RAB1A: variants seen among roughly 807,000 people sequenced by gnomAD.
RAB1A encodes ras-related protein Rab-1A.
Under a neutral mutation model 26.0 loss-of-function variants are expected in RAB1A, and 2 were observed. That is an observed-to-expected ratio of 0.08 (90% CI 0.03 to 0.24). RAB1A has a LOEUF of 0.24. RAB1A is among the 10% of genes least tolerant of loss of function. The pLI, the probability that RAB1A is intolerant of heterozygous loss-of-function variation, is 1.00. For missense variants in RAB1A, 100 were observed against 247.0 expected, an observed-to-expected ratio of 0.40 and a Z score of 3.99; for synonymous variants, 84 against 84.9, an observed-to-expected ratio of 0.99 and a Z score of 0.06.
At chr2:65,105,053 TAAAAA>T in intron 1 of RAB1A, 1 of 579,880 alleles carries the variant, frequency 1.7e-6, no homozygotes, top group Non-Finnish European at 3.1e-6. Flanking sequence ...AACTTCCACT[TAAAAA>T]GAAAGAAGGA....
chr2:65,103,437 G>A (rs1383419293), intron 2 of RAB1A, among the ~76,000 whole-genome samples: 4 of 151,890 alleles, frequency 2.6e-5, no homozygotes, highest in African/African-American at 9.7e-5. Context: ...AATAAAAATG[G>A]CACGGCTTGT....
chr2:65,092,146 G>A (rs79573096), intron 3 of RAB1A, among the ~76,000 whole-genome samples: 5,997 of 152,104 alleles, frequency 0.039, 381 homozygotes, highest in African/African-American at 0.14. Context: ...GCTGGCGTGC[G>A]CCTGTGGTCC....
intron 1 of RAB1A, chr2:65,105,036 A>C: frequency 1.6e-6 from 1 of 613,842 alleles, no homozygotes; most frequent in Non-Finnish European, 3.0e-6. Context: ...GATCTCTAAC[A>C]TCAGTGAACT....
intron 3 of RAB1A, among the ~76,000 whole-genome samples, chr2:65,094,769 ATG>A (rs1257107751): frequency 6.6e-6 from 1 of 152,116 alleles, no homozygotes; most frequent in Non-Finnish European, 1.5e-5. Context: ...GATTTACCTC[ATG>A]TGTTATATCT....
chr2:65,093,866 C>T (rs1024098713), intron 3 of RAB1A, among the ~76,000 whole-genome samples: 1 of 152,116 alleles, frequency 6.6e-6, no homozygotes, highest in South Asian at 2.1e-4. Flanking sequence ...TTGTGATCTG[C>T]GTGCCTCTGC....
intron 1 of RAB1A, among the ~76,000 whole-genome samples, chr2:65,115,538 C>G (rs956557782): frequency 2.0e-5 from 3 of 152,120 alleles, no homozygotes; most frequent in African/African-American, 7.2e-5. Context: ...TGCTTCTGTA[C>G]TGTGAATTTT....
intron 2 of RAB1A, among the ~76,000 whole-genome samples, chr2:65,104,157 T>A (rs1392686093): frequency 2.0e-5 from 3 of 152,200 alleles, no homozygotes; most frequent in Non-Finnish European, 4.4e-5. Context: ...AAGTCCTTTA[T>A]CTGTCAGCTT....
At chr2:65,088,894 T>C (rs1461475645) in intron 5 of RAB1A, 45 bp downstream of exon 5, 1 of 1,555,654 alleles carries the variant, frequency 6.4e-7, no homozygotes, top group East Asian at 2.3e-5. Flanking sequence ...CCATACATAA[T>C]TCAACACCTT....
At chr2:65,116,286 C>T (rs1321806437) in intron 1 of RAB1A, among the ~76,000 whole-genome samples, 1 of 152,152 alleles carries the variant, frequency 6.6e-6, no homozygotes, top group African/African-American at 2.4e-5. Flanking sequence ...CTTTAATATG[C>T]ATACAAGTAT....
intron 3 of RAB1A, among the ~76,000 whole-genome samples, chr2:65,092,699 G>C (rs1573063968): frequency 6.6e-6 from 1 of 152,188 alleles, no homozygotes; most frequent in East Asian, 1.9e-4. Flanking sequence ...GGCAGATCTT[G>C]AACTCCTGGG....
At chr2:65,115,646 A>C (rs1301871753) in intron 1 of RAB1A, among the ~76,000 whole-genome samples, 1 of 152,180 alleles carries the variant, frequency 6.6e-6, no homozygotes. Context: ...GATCAATGTG[A>C]CCAATTACCA....
intron 1 of RAB1A, among the ~76,000 whole-genome samples, chr2:65,114,750 CAGG>C (rs1669784482): frequency 6.6e-6 from 1 of 151,672 alleles, no homozygotes; most frequent in African/African-American, 2.4e-5. Context: ...GAGGCTGAGG[CAGG>C]AGAATGGCGT....
At chr2:65,105,023 T>A in intron 1 of RAB1A, 2 of 643,170 alleles carry the variant, frequency 3.1e-6, no homozygotes, top group Admixed American at 2.4e-5. Flanking sequence ...CAATGCCACC[T>A]ATGATCTCTA....
At chr2:65,128,582 A>AG (rs1294213048) in intron 1 of RAB1A, among the ~76,000 whole-genome samples, 1 of 152,230 alleles carries the variant, frequency 6.6e-6, no homozygotes, top group Admixed American at 6.5e-5. Context: ...AAAAGATTTC[A>AG]GCTTCAAGCC....
At chr2:65,090,513 C>T (rs1184499896) in intron 4 of RAB1A, among the ~76,000 whole-genome samples, 1 of 152,158 alleles carries the variant, frequency 6.6e-6, no homozygotes. Flanking sequence ...TACTAAGATC[C>T]TCCTACAGCT....
intron 1 of RAB1A, among the ~76,000 whole-genome samples, chr2:65,125,566 C>T (rs368895709): frequency 4.2e-4 from 63 of 151,498 alleles, no homozygotes; most frequent in African/African-American, 1.4e-3. Context: ...GAATTACAGG[C>T]GTGCACCACC....
chr2:65,090,872 C>T, intron 4 of RAB1A, 111 bp downstream of exon 4: 2 of 576,768 alleles, frequency 3.5e-6, no homozygotes, highest in South Asian at 9.8e-5. Context: ...AAGTTTTCTG[C>T]CATAAAATTA....
Position 65,104,722 on chromosome 2 carries a change from A to G in RAB1A, c.96+12T>C, listed in dbSNP as rs1445498938. The G allele has an allele frequency of 1.9e-6, 3 of 1,542,228 alleles. No individual in the cohort carries two copies. The highest frequency in any genetic ancestry group is 3.8e-5 in the Admixed American group (2 of 53,128). Reference sequence around the variant, plus strand: ...TACCATTAATTGTAAAGACATTTCAATTTCAACTTACTGCAAACCTAAGAA... The same window carrying G: ...TACCATTAATTGTAAAGACATTTCAGTTTCAACTTACTGCAAACCTAAGAA... On this transcript the variant is annotated intron_variant, in intron 2 of 5. Transcript: ENST00000409784.
chr2:65,100,118 T>A (rs1573070519), intron 2 of RAB1A, among the ~76,000 whole-genome samples: 1 of 152,152 alleles, frequency 6.6e-6, no homozygotes, highest in Non-Finnish European at 1.5e-5. Context: ...TTTAGAAATA[T>A]GGGCCGGGCA....
Sources: gnomAD v4.1 joint callset for allele counts (sites outside exome capture counted in the v4.1 genomes callset) on GRCh38, gnomAD v4.1.1 for gene constraint, MANE v1.5 for transcripts, NCBI Gene and HGNC (gene_info 2026-07-23, HGNC 2026-07-21) for gene names.